Variants in CTBP2 observed in about 807,000 individuals in gnomAD.
The protein encoded by CTBP2 is C-terminal-binding protein 2.
CTBP2 carries 30 observed loss-of-function variants against 80.3 expected under a neutral mutation model. That is an observed-to-expected ratio of 0.37 (90% CI 0.28 to 0.51). The LOEUF is 0.51. Ranked by LOEUF, CTBP2 falls within the 20% of genes least tolerant of loss-of-function variation. The probability of loss-of-function intolerance (pLI) is 0.93; values close to 1 mark genes in which losing one functional copy is unlikely to be tolerated. For missense variants in CTBP2, 1,212 were observed against 1,375.3 expected (o/e 0.88, Z 1.88); for synonymous variants, 594 against 587.4 (o/e 1.01, Z -0.16).
At chr10:125,063,717 G>A (rs183998271) in intron 2 of CTBP2, among the ~76,000 whole-genome samples, 1 of 152,356 alleles carries the variant, frequency 6.6e-6, no homozygotes, top group African/African-American at 2.4e-5. Flanking sequence ...TTCTCTCAGT[G>A]ACAGCTTTAC....
chr10:125,033,540 AC>A (rs1351278362), intron 3 of CTBP2, among the ~76,000 whole-genome samples: 1 of 151,990 alleles, frequency 6.6e-6, no homozygotes, highest in Non-Finnish European at 1.5e-5. Flanking sequence ...GTTCACAGTC[AC>A]CCCAAATACC....
chr10:125,061,225 T>G (rs1964908787), intron 2 of CTBP2, among the ~76,000 whole-genome samples: 1 of 152,220 alleles, frequency 6.6e-6, no homozygotes, highest in South Asian at 2.1e-4. Flanking sequence ...CTTATTTTCG[T>G]CTGCAAGGAC....
At chr10:125,122,357 T>C (rs1854476982) in intron 1 of CTBP2, among the ~76,000 whole-genome samples, 1 of 152,224 alleles carries the variant, frequency 6.6e-6, no homozygotes, top group South Asian at 2.1e-4. Flanking sequence ...GCAAGCGTGC[T>C]TTCTGAATGA....
At chr10:125,074,273 C>A (rs1328257919) in intron 2 of CTBP2, among the ~76,000 whole-genome samples, 1 of 152,224 alleles carries the variant, frequency 6.6e-6, no homozygotes, top group Non-Finnish European at 1.5e-5. Context: ...CCCCTGCAGA[C>A]AATTGGCTGT....
Position 125,026,599 on chromosome 10 carries a change from G to T in CTBP2, c.1161C>A (p.Gly387=), listed in dbSNP as rs574729094. ...ATGCTGTCTGCAGAGGAGCCGCAGC[G>T]CCCAGAGAAGCCAAGTCACCATGGA... The change falls in exon 1 of 9, where the codon GGC becomes GGA. Residue 387 remains glycine, a synonymous_variant. Transcript: ENST00000309035. The T allele has an allele frequency of 7.7e-7, 1 of 1,306,724 alleles. No homozygotes were observed. Among genetic ancestry groups the T allele is most frequent in the Non-Finnish European group, 1.0e-6 (1 of 954,348 alleles). The allele number at this position is 1,306,724 out of a possible 1,614,324, so 80.9% of individuals were successfully genotyped here.
chr10:125,155,954 T>A (rs7086481), intron 1 of CTBP2, among the ~76,000 whole-genome samples: 69,970 of 151,994 alleles, frequency 0.46, 16,873 homozygotes, highest in African/African-American at 0.59. Flanking sequence ...TTCAGCAGGG[T>A]AAGTTCACAC....
At chr10:125,002,268 GCTT>G (rs1954631167) in intron 3 of CTBP2, among the ~76,000 whole-genome samples, 1 of 152,234 alleles carries the variant, frequency 6.6e-6, no homozygotes, top group South Asian at 2.1e-4. Context: ...CCAGCGGTCT[GCTT>G]CTTGTGCCTC....
At chr10:125,021,825 C>A (rs1426392526) in intron 1 of CTBP2, among the ~76,000 whole-genome samples, 1 of 152,192 alleles carries the variant, frequency 6.6e-6, no homozygotes, top group African/African-American at 2.4e-5. Context: ...GCAGAGCTCA[C>A]TGATGTCGGG....
chr10:125,071,029 C>T (rs755084127), intron 2 of CTBP2, among the ~76,000 whole-genome samples: 5 of 152,246 alleles, frequency 3.3e-5, no homozygotes, highest in South Asian at 2.1e-4. Context: ...GCCCCGTATG[C>T]GGTGATTGCT....
At chr10:125,103,361 T>C (rs374080937) in intron 2 of CTBP2, among the ~76,000 whole-genome samples, 5 of 152,326 alleles carry the variant, frequency 3.3e-5, no homozygotes, top group East Asian at 3.9e-4. Flanking sequence ...CTCAAGGAGC[T>C]AGCTCTGCTT....
intron 2 of CTBP2, among the ~76,000 whole-genome samples, chr10:125,110,712 A>G (rs180946115): frequency 3.9e-5 from 6 of 152,320 alleles, no homozygotes; most frequent in Admixed American, 3.3e-4. Context: ...TTGTAGCATA[A>G]TTTCCGTTGA....
At chr10:125,143,125 C>A (rs566186023) in intron 1 of CTBP2, among the ~76,000 whole-genome samples, 3 of 152,276 alleles carry the variant, frequency 2.0e-5, no homozygotes, top group East Asian at 1.9e-4. Context: ...GCCCGGCAGC[C>A]CCCCCACGAC....
intron 2 of CTBP2, among the ~76,000 whole-genome samples, chr10:125,067,267 T>C (rs888824608): frequency 7.2e-5 from 11 of 152,082 alleles, no homozygotes; most frequent in Non-Finnish European, 1.5e-5. Context: ...AAGGAAAGAC[T>C]GTGAAACTGC....
chr10:125,142,115 G>A (rs1407535370), intron 1 of CTBP2, among the ~76,000 whole-genome samples: 1 of 152,178 alleles, frequency 6.6e-6, no homozygotes, highest in Non-Finnish European at 1.5e-5. Context: ...CCCACTCTTG[G>A]GTTTGCAGGG....
intron 1 of CTBP2, among the ~76,000 whole-genome samples, chr10:125,008,252 T>C (rs927225253): frequency 6.6e-6 from 1 of 152,226 alleles, no homozygotes; most frequent in African/African-American, 2.4e-5. Context: ...TGGCCGGCTC[T>C]GGCCTCTTTT....
At chr10:125,015,467 G>A (rs1297602414) in intron 1 of CTBP2, among the ~76,000 whole-genome samples, 1 of 152,244 alleles carries the variant, frequency 6.6e-6, no homozygotes, top group Non-Finnish European at 1.5e-5. Flanking sequence ...GCGGTCCCTG[G>A]TGTGGCCTGG....
At chr10:125,028,819 C>T (rs991930011), upstream of CTBP2, among the ~76,000 whole-genome samples, 1 of 152,348 alleles carries the variant, frequency 6.6e-6, no homozygotes, top group African/African-American at 2.4e-5. Flanking sequence ...TTCCAGCAGG[C>T]TTAGATCCTG....
intron 1 of CTBP2, among the ~76,000 whole-genome samples, chr10:125,020,275 G>A (rs1956905466): frequency 1.3e-5 from 2 of 152,092 alleles, no homozygotes; most frequent in Non-Finnish European, 1.5e-5. Context: ...GTGTGATGTG[G>A]TTCTCACAGC....
At chr10:125,029,676 TCA>T (rs1957987690), upstream of CTBP2, among the ~76,000 whole-genome samples, 1 of 152,196 alleles carries the variant, frequency 6.6e-6, no homozygotes, top group Non-Finnish European at 1.5e-5. Flanking sequence ...TGCACACCCC[TCA>T]AAGATGGGTG....
Sources: gnomAD v4.1 joint callset for allele counts (sites outside exome capture counted in the v4.1 genomes callset) on GRCh38, gnomAD v4.1.1 for gene constraint, MANE v1.5 for transcripts, NCBI Gene and HGNC (gene_info 2026-07-23, HGNC 2026-07-21) for gene names.